ZNF592: variants seen among roughly 807,000 people sequenced by gnomAD.
The protein encoded by ZNF592 is spinocerebellar ataxia, autosomal recessive 5.
In ZNF592, 11 loss-of-function variants were observed where a neutral mutation model predicts 80.3. The ratio of observed to expected loss-of-function variants is 0.14; its 90% CI spans 0.09 to 0.23. The LOEUF (loss-of-function observed/expected upper bound fraction) is 0.23. ZNF592 is among the 10% of genes least tolerant of loss of function. The probability of loss-of-function intolerance (pLI) is 1.00; values close to 1 mark genes in which losing one functional copy is unlikely to be tolerated. For synonymous variants in ZNF592, 646 were observed against 640.3 expected, an observed-to-expected ratio of 1.01 and a Z score of -0.13; for missense variants, 1,420 against 1,633.9, an observed-to-expected ratio of 0.87 and a Z score of 2.26.
chr15:84,784,649 G>A lies in ZNF592; in HGVS notation c.1974G>A (p.Ala658=), dbSNP rs199683430. The change falls in exon 4 of 11, where the codon GCG becomes GCA. Residue 658 remains alanine (A), a synonymous_variant. Transcript: ENST00000560079. The surrounding 1 kb of genome is among the most constrained non-coding windows in gnomAD (Gnocchi z 5.8). ...CSQLLVKPIS[A]DQMFVSAPVN... ...AGCTGCTGGTGAAGCCTATCTCTGC[G>A]GACCAAATGTTCGTGTCGGCCCCTG... The A allele has an allele frequency of 1.3e-4, 209 of 1,614,154 alleles. No homozygotes were observed. Among genetic ancestry groups the A allele is most frequent in the South Asian group, 1.2e-3 (105 of 91,084 alleles).
intron 5 of ZNF592, among the ~76,000 whole-genome samples, chr15:84,796,457 G>A (rs1354486367): frequency 1.3e-5 from 2 of 151,386 alleles, no homozygotes; most frequent in African/African-American, 4.9e-5. Flanking sequence ...AGAGCAGAGA[G>A]GGAAAAGATG....
At position 84,774,286 on chromosome 15, in the gene ZNF592, G is replaced by C. The variant is rs138353318; in HGVS notation, c.-149-3897G>C. Among the ~76,000 whole-genome samples, 299 of 152,352 alleles carry C rather than the reference G, an allele frequency of 2.0e-3. 4 individuals carry two copies. The highest frequency in any genetic ancestry group is 7.0e-3 in the African/African-American group (289 of 41,576). ...TATTGAGTACCTAATGGGGAATCCAGTGATGAATGAAATAGATAAGCCTCT... is the reference window on the plus strand; with the variant it reads ...TATTGAGTACCTAATGGGGAATCCACTGATGAATGAAATAGATAAGCCTCT... On this transcript the variant is annotated intron_variant, in intron 2 of 10. Transcript: ENST00000560079.
rs562410214 is a variant in ZNF592, at chr15:84,803,695, T to A, written c.*1302T>A. On this transcript the variant is annotated 3_prime_UTR_variant, in exon 11 of 11. Transcript: ENST00000560079. ...GAAGAGGAATTTTATAATTTTCTTA[T>A]AGCATTCAAGAGGTTTCTTATTTCT... 6.6e-6 allele frequency: 1 copy of A among 152,260 alleles called. No homozygotes were observed. The highest frequency in any genetic ancestry group is 2.4e-5 in the African/African-American group (1 of 41,460). The allele number at this position is 152,260 out of a possible 1,614,324, so 9.4% of individuals were successfully genotyped here.
At chr15:84,796,460 A>C (rs561823387) in intron 5 of ZNF592, among the ~76,000 whole-genome samples, 2 of 151,594 alleles carry the variant, frequency 1.3e-5, no homozygotes, top group Admixed American at 1.3e-4. Context: ...GCAGAGAGGG[A>C]AAAGATGTTT....
At position 84,801,986 on chromosome 15, in the gene ZNF592, A is replaced by T. The variant is rs1415220351; in HGVS notation, c.3397A>T (p.Thr1133Ser). The T allele has an allele frequency of 6.2e-7, 1 of 1,614,000 alleles. No individual in the cohort carries two copies. Among genetic ancestry groups the T allele is most frequent in the Non-Finnish European group, 8.5e-7 (1 of 1,179,884 alleles). Reference sequence around the variant, plus strand: ...TCAGTGCGCGAAATGTAGTTTTGCCACAGACTCGGGGCTCGAGTTTCAGAG... The same window carrying T: ...TCAGTGCGCGAAATGTAGTTTTGCCTCAGACTCGGGGCTCGAGTTTCAGAG... Reference protein sequence around the residue: ...LFQCAKCSFATDSGLEFQSHI... With the variant: ...LFQCAKCSFASDSGLEFQSHI... Residue 1133 changes from threonine (T) to serine (S), a missense_variant, in exon 11 of 11, where the codon ACA (threonine) becomes TCA (serine). Around this residue, in one of 7 missense-constraint regions of ZNF592, gnomAD observed 145 missense variants for 211.9 expected, o/e 0.68. Transcript: ENST00000560079.
intron 1 of ZNF592, among the ~76,000 whole-genome samples, chr15:84,758,661 C>T (rs1457475490): frequency 6.6e-6 from 1 of 150,910 alleles, no homozygotes; most frequent in African/African-American, 2.4e-5. Flanking sequence ...CCTGTAATCC[C>T]AGCACTTTTG....
intron 2 of ZNF592, among the ~76,000 whole-genome samples, chr15:84,774,160 C>T (rs960855894): frequency 4.6e-5 from 7 of 152,200 alleles, no homozygotes; most frequent in African/African-American, 1.4e-4. Flanking sequence ...CCTATTTATG[C>T]AGCCTCATGA....
At chr15:84,759,494 A>G (rs1053089678) in intron 1 of ZNF592, among the ~76,000 whole-genome samples, 3 of 152,072 alleles carry the variant, frequency 2.0e-5, no homozygotes, top group African/African-American at 7.2e-5. Context: ...TCCTATCCAC[A>G]AAGTATGAAC....
chr15:84,759,697 G>C (rs1214568234), intron 1 of ZNF592, among the ~76,000 whole-genome samples: 1 of 152,158 alleles, frequency 6.6e-6, no homozygotes, highest in Non-Finnish European at 1.5e-5. Flanking sequence ...CTGGGACCCA[G>C]GCAGGCACTT....
At chr15:84,758,549 G>A (rs1899250239) in intron 1 of ZNF592, among the ~76,000 whole-genome samples, 1 of 152,092 alleles carries the variant, frequency 6.6e-6, no homozygotes, top group Admixed American at 6.5e-5. Context: ...ATCCCAAAAT[G>A]CTGGGCTTAC....
intron 5 of ZNF592, among the ~76,000 whole-genome samples, chr15:84,792,662 G>C (rs927444593): frequency 6.6e-6 from 1 of 152,172 alleles, no homozygotes; most frequent in Non-Finnish European, 1.5e-5. Flanking sequence ...ATGTTGCCCA[G>C]GCTGGTCACA....
chr15:84,771,538 T>C (rs546574707), intron 2 of ZNF592, among the ~76,000 whole-genome samples: 1 of 152,120 alleles, frequency 6.6e-6, no homozygotes, highest in Non-Finnish European at 1.5e-5. Context: ...TTGGAATGCA[T>C]CCTCCATGAG....
chr15:84,763,986 AAAG>A (rs1228502307), intron 1 of ZNF592, among the ~76,000 whole-genome samples: 3 of 152,182 alleles, frequency 2.0e-5, no homozygotes, highest in Non-Finnish European at 4.4e-5. Flanking sequence ...AGTTTTTAAA[AAAG>A]AGTTCTGCCG....
intron 2 of ZNF592, among the ~76,000 whole-genome samples, chr15:84,776,500 A>G (rs537716661): frequency 6.6e-6 from 1 of 152,374 alleles, no homozygotes; most frequent in East Asian, 1.9e-4. Context: ...TCATGCCTGT[A>G]ACCCCAGCAC....
chr15:84,794,602 GA>G (rs1437487634), intron 5 of ZNF592, among the ~76,000 whole-genome samples: 2 of 151,948 alleles, frequency 1.3e-5, no homozygotes, highest in Non-Finnish European at 2.9e-5. Flanking sequence ...TCAGCCTCCT[GA>G]ATAGCTGGGA....
Position 84,782,893 on chromosome 15 carries a change from C to T in ZNF592, c.218C>T (p.Thr73Ile). 6.2e-7 allele frequency: 1 copy of T among 1,614,160 alleles called. No homozygotes were observed. Among genetic ancestry groups the T allele is most frequent in the Non-Finnish European group, 8.5e-7 (1 of 1,180,032 alleles). ...GCCGTGAGTGTCATTGTCAAGAACA[C>T]CAGCCGCCAGGAGTCATTTGAAGCG... ...VPAVSVIVKN[T>I]SRQESFEAEK... is the part of the protein sequence containing the mutation. Residue 73 changes from threonine (T) to isoleucine (I), a missense_variant, in exon 4 of 11, where the codon ACC becomes ATC. Physicochemically the swap from Thr to Ile is moderately conservative, Grantham distance 89 (BLOSUM62 -1). Transcript: ENST00000560079.
At chr15:84,787,096 C>T (rs1323295909) in intron 4 of ZNF592, among the ~76,000 whole-genome samples, 2 of 152,146 alleles carry the variant, frequency 1.3e-5, no homozygotes, top group Admixed American at 6.5e-5. Context: ...AAGTGATCCA[C>T]CTGCCTCGGC....
intron 2 of ZNF592, among the ~76,000 whole-genome samples, chr15:84,775,077 G>A (rs1388946550): frequency 2.0e-5 from 3 of 151,558 alleles, no homozygotes; most frequent in Non-Finnish European, 4.4e-5. Flanking sequence ...CCCAGCACCT[G>A]GCCACTGTTT....
At chr15:84,780,132 G>T (rs561106802) in intron 3 of ZNF592, among the ~76,000 whole-genome samples, 8 of 151,828 alleles carry the variant, frequency 5.3e-5, no homozygotes, top group African/African-American at 1.7e-4. Flanking sequence ...TACTACAGGC[G>T]TGTGCCACCA....
Sources: gnomAD v4.1 joint callset for allele counts (sites outside exome capture counted in the v4.1 genomes callset) on GRCh38, gnomAD v4.1.1 for gene constraint, gnomAD v4.1.1 regional missense constraint, Gnocchi (gnomAD v3.1) non-coding constraint, MANE v1.5 for transcripts, NCBI Gene and HGNC (gene_info 2026-07-23, HGNC 2026-07-21) for gene names.